PBRM1: variants seen among roughly 807,000 people sequenced by gnomAD.
PBRM1 encodes the protein polybromo 1, also known as protein polybromo-1.
In PBRM1, 27 loss-of-function variants were observed where a neutral mutation model predicts 194.5. The observed-to-expected ratio is 0.14, with a 90% confidence interval of 0.10 to 0.19. PBRM1 has a LOEUF of 0.19. PBRM1 is among the 10% of genes least tolerant of loss of function. The pLI, the probability that PBRM1 is intolerant of heterozygous loss-of-function variation, is 1.00. For synonymous variants in PBRM1, 655 were observed against 693.2 expected, an observed-to-expected ratio of 0.94 and a Z score of 0.87; for missense variants, 1,466 against 2,077.2, an observed-to-expected ratio of 0.71 and a Z score of 5.72.
At chr3:52,648,275 A>C (rs956471986) in intron 7 of PBRM1, 69 bp downstream of exon 8, 1 of 888,866 alleles carries the variant, frequency 1.1e-6, no homozygotes. Context: ...TTGTTTTATA[A>C]AAATTACTGA....
At chr3:52,591,233 T>C (rs2093000336) in intron 17 of PBRM1, among the ~76,000 whole-genome samples, 1 of 152,172 alleles carries the variant, frequency 6.6e-6, no homozygotes, top group Non-Finnish European at 1.5e-5. Context: ...TCTTCCTATT[T>C]GAATACCCTT....
chr3:52,650,149 A>G (rs920740520), intron 6 of PBRM1, among the ~76,000 whole-genome samples: 1 of 151,860 alleles, frequency 6.6e-6, no homozygotes, highest in Non-Finnish European at 1.5e-5. Context: ...GATCACTTGA[A>G]GTCAGGAGTT....
intron 17 of PBRM1, among the ~76,000 whole-genome samples, chr3:52,591,647 G>A (rs1397068476): frequency 6.7e-6 from 1 of 149,562 alleles, no homozygotes; most frequent in African/African-American, 2.5e-5. Flanking sequence ...AGCCTCCTGA[G>A]TAGCTGAGAT....
chr3:52,670,783 G>A (rs2096929888), intron 2 of PBRM1, among the ~76,000 whole-genome samples: 1 of 152,200 alleles, frequency 6.6e-6, no homozygotes, highest in Non-Finnish European at 1.5e-5. Context: ...CTTGAGCCCA[G>A]GAGGTCAAGG....
At chr3:52,644,380 T>C (rs1021718664) in intron 8 of PBRM1, among the ~76,000 whole-genome samples, 14 of 151,798 alleles carry the variant, frequency 9.2e-5, no homozygotes, top group African/African-American at 2.9e-4. Context: ...GCATTAAGGG[T>C]TTTAGACATT....
chr3:52,652,155 A>T (rs1370670593), intron 5 of PBRM1, among the ~76,000 whole-genome samples: 1 of 151,126 alleles, frequency 6.6e-6, no homozygotes, highest in South Asian at 2.1e-4. Flanking sequence ...AGGCCGAGGC[A>T]GGTGGATCAC....
At chr3:52,571,409 C>T (rs1036832508) in intron 22 of PBRM1, among the ~76,000 whole-genome samples, 28 of 150,396 alleles carry the variant, frequency 1.9e-4, no homozygotes, top group African/African-American at 6.4e-4. Context: ...AGGTGGATCA[C>T]GAGGTCAGGA....
chr3:52,631,871 G>C, intron 11 of PBRM1, among the ~76,000 whole-genome samples: 1 of 152,114 alleles, frequency 6.6e-6, no homozygotes, highest in East Asian at 1.9e-4. Context: ...GAATGTACAG[G>C]TAATATCAAA....
intron 10 of PBRM1, among the ~76,000 whole-genome samples, chr3:52,636,343 T>C (rs186126306): frequency 1.4e-4 from 22 of 152,184 alleles, no homozygotes; most frequent in Admixed American, 1.4e-3. Context: ...AAATAAAAAA[T>C]ATGTTGCTCA....
intron 20 of PBRM1, 187 bp downstream of exon 22, chr3:52,586,238 T>G (rs2092374162): frequency 1.8e-6 from 1 of 542,914 alleles, no homozygotes; most frequent in African/African-American, 1.9e-5. Context: ...TTGGCCTGAT[T>G]TACTTTTAAA....
At chr3:52,627,903 A>G (rs1248593676) in intron 12 of PBRM1, among the ~76,000 whole-genome samples, 1 of 152,218 alleles carries the variant, frequency 6.6e-6, no homozygotes, top group Non-Finnish European at 1.5e-5. Context: ...TCTCAGCACT[A>G]AGGTTCACTG....
At chr3:52,663,983 C>T (rs908055929) in intron 3 of PBRM1, among the ~76,000 whole-genome samples, 9 of 150,692 alleles carry the variant, frequency 6.0e-5, no homozygotes, top group South Asian at 4.2e-4. Flanking sequence ...TGGCGTGAAC[C>T]GGGGAGGCGG....
At chr3:52,655,275 A>G (rs1415482289) in intron 5 of PBRM1, among the ~76,000 whole-genome samples, 1 of 152,064 alleles carries the variant, frequency 6.6e-6, no homozygotes, top group East Asian at 1.9e-4. Context: ...TTCTAACTTT[A>G]TGTCTCTAAG....
At chr3:52,667,243 G>A (rs1404615927) in intron 3 of PBRM1, among the ~76,000 whole-genome samples, 1 of 151,974 alleles carries the variant, frequency 6.6e-6, no homozygotes, top group Non-Finnish European at 1.5e-5. Flanking sequence ...TTGGGCAAGA[G>A]GAATCTCTGA....
At chr3:52,653,575 G>A (rs1577681123) in intron 5 of PBRM1, among the ~76,000 whole-genome samples, 1 of 135,534 alleles carries the variant, frequency 7.4e-6, no homozygotes, top group East Asian at 2.3e-4. Flanking sequence ...GGCAAGAAGA[G>A]CAGAATTCTG....
intron 24 of PBRM1, among the ~76,000 whole-genome samples, chr3:52,562,605 G>A (rs1038975714): frequency 3.0e-4 from 45 of 147,774 alleles, no homozygotes; most frequent in African/African-American, 1.0e-3. Context: ...GTACAGTGGT[G>A]CACTCATATC....
intron 21 of PBRM1, among the ~76,000 whole-genome samples, chr3:52,577,309 T>C (rs1030037997): frequency 6.6e-6 from 1 of 151,742 alleles, no homozygotes; most frequent in Non-Finnish European, 1.5e-5. Flanking sequence ...TGTGCACCTA[T>C]AGTCCCAGCT....
downstream of PBRM1, chr3:52,547,897 G>C (rs2079885410): frequency 1.9e-6 from 1 of 531,108 alleles, no homozygotes; most frequent in African/African-American, 2.0e-5. Flanking sequence ...CAAACAAATT[G>C]AAATAGCTTA....
intron 13 of PBRM1, among the ~76,000 whole-genome samples, chr3:52,622,607 T>C (rs1209185154): frequency 6.6e-6 from 1 of 152,224 alleles, no homozygotes; most frequent in Non-Finnish European, 1.5e-5. Flanking sequence ...ATGGCAAATG[T>C]GATTTTCCAG....
Sources: allele counts gnomAD v4.1 joint callset (sites outside exome capture counted in the v4.1 genomes callset), GRCh38; gene constraint gnomAD v4.1.1; transcripts MANE v1.5; gene names NCBI Gene and HGNC (gene_info 2026-07-23, HGNC 2026-07-21).